The following NPAS3 variants were observed in gnomAD, a reference collection of about 807,000 sequenced individuals.
The protein encoded by NPAS3 is neuronal PAS domain-containing protein 3.
In NPAS3, 14 loss-of-function variants were observed where a neutral mutation model predicts 73.1. The ratio of observed to expected loss-of-function variants is 0.19; its 90% CI spans 0.13 to 0.30. The LOEUF (loss-of-function observed/expected upper bound fraction) is 0.30, where lower values mean the gene tolerates loss of function less well. Ranked by LOEUF, NPAS3 falls within the 10% of genes least tolerant of loss-of-function variation. NPAS3 has a pLI of 1.00. For synonymous variants in NPAS3, 620 were observed against 541.5 expected, an observed-to-expected ratio of 1.14 and a Z score of -2.01; for missense variants, 1,096 against 1,250.0, an observed-to-expected ratio of 0.88 and a Z score of 1.86.
intron 5 of NPAS3, among the ~76,000 whole-genome samples, chr14:33,569,001 G>A (rs1266802633): frequency 6.6e-6 from 1 of 152,140 alleles, no homozygotes; most frequent in African/African-American, 2.4e-5. Context: ...GTGTGAATAT[G>A]TGTTTATTCA....
intron 3 of NPAS3, among the ~76,000 whole-genome samples, chr14:33,227,768 A>C (rs2139751942): frequency 6.6e-6 from 1 of 152,332 alleles, no homozygotes; most frequent in Admixed American, 6.5e-5. Flanking sequence ...AGTTCATAAC[A>C]CAAGGAGTTC....
intron 4 of NPAS3, among the ~76,000 whole-genome samples, chr14:33,533,957 A>T (rs931593603): frequency 1.3e-5 from 2 of 152,134 alleles, no homozygotes; most frequent in African/African-American, 4.8e-5. Context: ...TCTGCCCCAT[A>T]TATTAATGTG....
chr14:33,514,028 T>A (rs1351290543), intron 4 of NPAS3, among the ~76,000 whole-genome samples: 1 of 152,020 alleles, frequency 6.6e-6, no homozygotes, highest in South Asian at 2.1e-4. Flanking sequence ...CGGGGGCCAG[T>A]TTGAGAGATG....
At chr14:33,050,214 C>A (rs552918476) in intron 1 of NPAS3, among the ~76,000 whole-genome samples, 1 of 152,194 alleles carries the variant, frequency 6.6e-6, no homozygotes, top group African/African-American at 2.4e-5. Context: ...CTACCATTGA[C>A]AAGAACTCAC....
chr14:33,598,875 G>A (rs1460051838), intron 5 of NPAS3, among the ~76,000 whole-genome samples: 1 of 152,166 alleles, frequency 6.6e-6, no homozygotes, highest in Non-Finnish European at 1.5e-5. Flanking sequence ...GGATTAGAAT[G>A]GCATTAAATA....
intron 2 of NPAS3, among the ~76,000 whole-genome samples, chr14:33,164,396 A>G (rs1277307680): frequency 6.6e-6 from 1 of 152,220 alleles, no homozygotes; most frequent in Non-Finnish European, 1.5e-5. Context: ...AATCGGTCTT[A>G]TATCATGTTC....
chr14:33,491,181 AT>A (rs559106445), intron 4 of NPAS3, among the ~76,000 whole-genome samples: 23 of 152,146 alleles, frequency 1.5e-4, no homozygotes, highest in Non-Finnish European at 3.2e-4. Context: ...TAGAAAAGCC[AT>A]TTTTGATATT....
chr14:33,579,652 T>C (rs2139869087), intron 5 of NPAS3, among the ~76,000 whole-genome samples: 1 of 152,270 alleles, frequency 6.6e-6, no homozygotes, highest in East Asian at 1.9e-4. Flanking sequence ...GGTCTTTTTT[T>C]TTTCTTCATT....
At chr14:33,221,195 A>C (rs2047413195) in intron 3 of NPAS3, among the ~76,000 whole-genome samples, 1 of 152,170 alleles carries the variant, frequency 6.6e-6, no homozygotes, top group Admixed American at 6.5e-5. Flanking sequence ...CAAAGGTGTA[A>C]GAAGGGTGAA....
At chr14:32,981,484 G>A (rs1222863905) in intron 1 of NPAS3, among the ~76,000 whole-genome samples, 1 of 152,154 alleles carries the variant, frequency 6.6e-6, no homozygotes, top group Non-Finnish European at 1.5e-5. Context: ...TACGTATTAA[G>A]CACAGTTGTA....
At chr14:33,020,898 T>A (rs1403810262) in intron 1 of NPAS3, among the ~76,000 whole-genome samples, 3 of 152,046 alleles carry the variant, frequency 2.0e-5, no homozygotes, top group Non-Finnish European at 4.4e-5. Flanking sequence ...GTAGCTGGGA[T>A]TACAGGTGCG....
At chr14:33,122,364 T>C (rs780326954) in intron 2 of NPAS3, among the ~76,000 whole-genome samples, 1 of 152,136 alleles carries the variant, frequency 6.6e-6, no homozygotes. Context: ...AGGGAAACTT[T>C]AGATGGACTT....
chr14:33,540,911 T>A (rs1010583355), intron 4 of NPAS3, among the ~76,000 whole-genome samples: 9 of 152,212 alleles, frequency 5.9e-5, no homozygotes, highest in African/African-American at 2.2e-4. Context: ...AGGGATTATC[T>A]CCTGACACCT....
At chr14:33,698,534 C>A (rs1209208976) in intron 6 of NPAS3, among the ~76,000 whole-genome samples, 2 of 152,172 alleles carry the variant, frequency 1.3e-5, no homozygotes, top group African/African-American at 2.4e-5. Flanking sequence ...AAAATAATTT[C>A]ACTCCCCAAA....
At chr14:33,683,530 T>G (rs563805382) in intron 6 of NPAS3, among the ~76,000 whole-genome samples, 1 of 151,728 alleles carries the variant, frequency 6.6e-6, no homozygotes, top group African/African-American at 2.4e-5. Flanking sequence ...AAGTACAAGT[T>G]ATTTGCTTTT....
chr14:33,118,288 G>T (rs1253261993), intron 2 of NPAS3, among the ~76,000 whole-genome samples: 1 of 151,974 alleles, frequency 6.6e-6, no homozygotes, highest in East Asian at 1.9e-4. Flanking sequence ...TTGGAAGTGG[G>T]AAAGTATACT....
intron 3 of NPAS3, among the ~76,000 whole-genome samples, chr14:33,264,041 G>T (rs2049077118): frequency 1.3e-5 from 2 of 152,128 alleles, no homozygotes; most frequent in South Asian, 4.1e-4. Context: ...AACAATGATA[G>T]ACTGGATTAA....
At chr14:33,266,090 A>G (rs889224098) in intron 3 of NPAS3, among the ~76,000 whole-genome samples, 8 of 152,132 alleles carry the variant, frequency 5.3e-5, no homozygotes, top group Admixed American at 3.9e-4. Context: ...ACATTGCAGA[A>G]TTGTTATAAA....
intron 7 of NPAS3, among the ~76,000 whole-genome samples, chr14:33,754,438 TCTC>T (rs771588570): frequency 7.2e-5 from 11 of 152,206 alleles, no homozygotes; most frequent in Admixed American, 3.9e-4. Context: ...CCCAGCTCCC[TCTC>T]CTCTCTGACC....
Sources: gnomAD v4.1 joint callset for allele counts (sites outside exome capture counted in the v4.1 genomes callset) on GRCh38, gnomAD v4.1.1 for gene constraint, MANE v1.5 for transcripts, NCBI Gene and HGNC (gene_info 2026-07-23, HGNC 2026-07-21) for gene names.